KCNC2: variants seen among roughly 807,000 people sequenced by gnomAD.
KCNC2 encodes potassium voltage-gated channel subfamily C member 2.
Under a neutral mutation model 44.5 loss-of-function variants are expected in KCNC2, and 21 were observed. That is an observed-to-expected ratio of 0.47 (90% CI 0.33 to 0.68). The LOEUF (loss-of-function observed/expected upper bound fraction) is 0.68. Among genes scored for constraint, KCNC2 ranks in the 30% least tolerant of loss-of-function variants. The pLI, the probability that KCNC2 is intolerant of heterozygous loss-of-function variation, is 0.01. For missense variants in KCNC2, 589 were observed against 826.2 expected (o/e 0.71, Z 3.52); for synonymous variants, 391 against 339.1 (o/e 1.15, Z -1.68).
chr12:75,153,125 C>T (rs1432787044), intron 2 of KCNC2, among the ~76,000 whole-genome samples: 1 of 151,856 alleles, frequency 6.6e-6, no homozygotes, highest in Non-Finnish European at 1.5e-5. Flanking sequence ...CAACACTAAA[C>T]CATATATTGT....
intron 2 of KCNC2, among the ~76,000 whole-genome samples, chr12:75,105,544 A>G (rs1192092664): frequency 6.6e-6 from 1 of 152,194 alleles, no homozygotes; most frequent in Non-Finnish European, 1.5e-5. Context: ...GCTACATCTG[A>G]ACAAGTACTG....
chr12:75,074,627 C>G (rs1031572532), intron 2 of KCNC2, among the ~76,000 whole-genome samples: 1 of 152,150 alleles, frequency 6.6e-6, no homozygotes, highest in African/African-American at 2.4e-5. Flanking sequence ...TGGACATGAT[C>G]TTAGAGACCA....
In KCNC2 at chr12:75,207,720, G is replaced by A. The variant is rs200050793; in HGVS notation, c.264C>T (p.Arg88=). ...CGGGATGGTCGCTGGCCCTGCCGCCGCGGGAACTGCAGTTGCCCGCGCCGC... is the reference window on the plus strand; with the variant it reads ...CGGGATGGTCGCTGGCCCTGCCGCCACGGGAACTGCAGTTGCCCGCGCCGC... ...FEGGAGNCSS[R]GGRASDHPGG... is the part of the protein sequence containing the mutation. The change falls in exon 2 of 5, where the codon CGC becomes CGT. Residue 88 remains arginine (R), a synonymous_variant. Transcript: ENST00000549446. This position sits in a 1 kb window ranked among gnomAD's most constrained non-coding sequence, Gnocchi z 4.1. 5.7e-6 allele frequency: 9 copies of A among 1,576,298 alleles called. No individual in the cohort carries two copies. The highest frequency in any genetic ancestry group is 3.4e-5 in the South Asian group (3 of 87,452).
intron 2 of KCNC2, among the ~76,000 whole-genome samples, chr12:75,117,700 T>G (rs1301814604): frequency 6.6e-6 from 1 of 151,988 alleles, no homozygotes; most frequent in East Asian, 1.9e-4. Context: ...AATAATATAT[T>G]ACACATATTT....
intron 2 of KCNC2, among the ~76,000 whole-genome samples, chr12:75,097,510 T>C (rs1257259663): frequency 6.6e-6 from 1 of 152,106 alleles, no homozygotes; most frequent in Non-Finnish European, 1.5e-5. Context: ...CATAAAGGCA[T>C]ATATAATAAT....
chr12:75,060,593 G>A (rs960902731), intron 2 of KCNC2, among the ~76,000 whole-genome samples: 5 of 151,788 alleles, frequency 3.3e-5, no homozygotes, highest in Non-Finnish European at 5.9e-5. Flanking sequence ...AGCCTCCCAA[G>A]TTGCTGGGAT....
chr12:75,136,925 T>A (rs1190001906), intron 2 of KCNC2, among the ~76,000 whole-genome samples: 2 of 152,104 alleles, frequency 1.3e-5, no homozygotes, highest in Non-Finnish European at 2.9e-5. Flanking sequence ...CTCTGCATGT[T>A]CCCACCACAA....
intron 2 of KCNC2, among the ~76,000 whole-genome samples, chr12:75,199,263 G>C (rs911522051): frequency 2.0e-5 from 3 of 151,800 alleles, no homozygotes; most frequent in African/African-American, 7.2e-5. Flanking sequence ...TCTAAGATTT[G>C]ATAGCACACC....
intron 2 of KCNC2, among the ~76,000 whole-genome samples, chr12:75,107,026 T>C (rs2471636): frequency 0.45 from 68,402 of 151,632 alleles, 17,796 homozygotes; most frequent in African/African-American, 0.73. Flanking sequence ...TCATGGGGGC[T>C]GGGCGTGGTG....
chr12:75,104,485 A>G (rs1886623761), intron 2 of KCNC2, among the ~76,000 whole-genome samples: 1 of 152,108 alleles, frequency 6.6e-6, no homozygotes, highest in African/African-American at 2.4e-5. Context: ...TTGTATAAAG[A>G]TCAGTACAGC....
chr12:75,183,809 G>A (rs1456071660), intron 2 of KCNC2, among the ~76,000 whole-genome samples: 3 of 152,066 alleles, frequency 2.0e-5, no homozygotes, highest in South Asian at 4.1e-4. Flanking sequence ...TTAGAATATC[G>A]CTCTTAGGAT....
At chr12:75,188,825 C>G (rs971842513) in intron 2 of KCNC2, among the ~76,000 whole-genome samples, 1 of 151,656 alleles carries the variant, frequency 6.6e-6, no homozygotes, top group African/African-American at 2.4e-5. Flanking sequence ...TGCCACTGCA[C>G]TCACTGCAGC....
chr12:75,100,604 G>T lies in KCNC2; in HGVS notation c.688-49287C>A, dbSNP rs901756357. Among the ~76,000 whole-genome samples the T allele has an allele frequency of 6.6e-5, 10 of 151,882 alleles. 2 individuals are homozygous for T. The highest frequency in any genetic ancestry group is 5.3e-4 in the Admixed American group (8 of 15,222). On this transcript the variant is annotated intron_variant, in intron 2 of 4. Coordinates refer to ENST00000549446, the MANE Select transcript of KCNC2 (RefSeq NM_139137.4). The stretch of plus-strand genomic sequence containing the variant: ...TACATTACTATCATATATTCTAAAA[G>T]GTTCACAAGGTTACTATCATATATT...
chr12:75,197,339 A>G (rs2030859801), intron 2 of KCNC2, among the ~76,000 whole-genome samples: 1 of 151,708 alleles, frequency 6.6e-6, no homozygotes, highest in Non-Finnish European at 1.5e-5. Context: ...TTATTATTCA[A>G]TGTTACATGA....
At chr12:75,199,278 A>G (rs1162966824) in intron 2 of KCNC2, among the ~76,000 whole-genome samples, 6 of 151,866 alleles carry the variant, frequency 4.0e-5, no homozygotes, top group Non-Finnish European at 7.4e-5. Flanking sequence ...CACACCAACC[A>G]GGGGCTTCAA....
chr12:75,067,639 C>T (rs1480057275), intron 2 of KCNC2, among the ~76,000 whole-genome samples: 1 of 152,104 alleles, frequency 6.6e-6, no homozygotes, highest in Non-Finnish European at 1.5e-5. Flanking sequence ...TATCCAAAAT[C>T]TTCTATGGCA....
chr12:75,180,238 A>G (rs1215256924), intron 2 of KCNC2, among the ~76,000 whole-genome samples: 1 of 151,928 alleles, frequency 6.6e-6, no homozygotes, highest in Non-Finnish European at 1.5e-5. Flanking sequence ...TACAAATTTT[A>G]TGAGAAGACT....
intron 2 of KCNC2, among the ~76,000 whole-genome samples, chr12:75,116,780 G>A (rs1592907058): frequency 2.0e-5 from 3 of 152,160 alleles, no homozygotes; most frequent in African/African-American, 7.2e-5. Context: ...CTTCTTAACG[G>A]ACACCATATG....
At position 75,041,584 on chromosome 12, in the gene KCNC2, C is replaced by T. The variant is rs1464812960; in HGVS notation, c.*1521G>A. 1.9e-6 allele frequency: 2 copies of T among 1,053,276 alleles called. No homozygotes were observed. 65.2% of individuals were successfully genotyped at this position (1,053,276 alleles called of 1,614,324 possible). A position where few individuals can be genotyped will look rare whatever the true frequency, so the allele number is the denominator to read the frequency against. On this transcript the variant is annotated 3_prime_UTR_variant, in exon 5 of 5. Coordinates refer to ENST00000549446, the MANE Select transcript of KCNC2 (RefSeq NM_139137.4). Reference sequence around the variant, plus strand: ...TCACATGCTCAATACATGAGACACGCTATTGCTGTTGAATTCATAGGAATG... The same window carrying T: ...TCACATGCTCAATACATGAGACACGTTATTGCTGTTGAATTCATAGGAATG...
Sources: gnomAD v4.1 joint callset for allele counts (sites outside exome capture counted in the v4.1 genomes callset) on GRCh38, gnomAD v4.1.1 for gene constraint, Gnocchi (gnomAD v3.1) non-coding constraint, MANE v1.5 for transcripts, NCBI Gene and HGNC (gene_info 2026-07-23, HGNC 2026-07-21) for gene names.